Variants in PTPRT observed in about 807,000 individuals in gnomAD.
The protein encoded by PTPRT is protein tyrosine phosphatase receptor type T.
PTPRT carries 56 observed loss-of-function variants against 176.8 expected under a neutral mutation model. That is an observed-to-expected ratio of 0.32 (90% CI 0.26 to 0.40). The LOEUF is 0.40. Among genes scored for constraint, PTPRT ranks in the 10% least tolerant of loss-of-function variants. The pLI is 1.00. For synonymous variants in PTPRT, 783 were observed against 739.0 expected, an observed-to-expected ratio of 1.06 and a Z score of -0.96; for missense variants, 1,540 against 1,908.2, an observed-to-expected ratio of 0.81 and a Z score of 3.60.
intron 1 of PTPRT, among the ~76,000 whole-genome samples, chr20:42,963,278 C>T (rs206675): frequency 0.016 from 2,392 of 151,406 alleles, 65 homozygotes; most frequent in African/African-American, 0.055. Flanking sequence ...TCCAGATACT[C>T]GGGAGACTGA....
At chr20:42,640,282 C>T (rs2074711447) in intron 7 of PTPRT, among the ~76,000 whole-genome samples, 1 of 152,062 alleles carries the variant, frequency 6.6e-6, no homozygotes, top group Non-Finnish European at 1.5e-5. Context: ...TTTGTCTATA[C>T]ATTTTTGCTT....
intron 1 of PTPRT, among the ~76,000 whole-genome samples, chr20:43,034,388 G>C (rs914769765): frequency 6.6e-6 from 1 of 152,148 alleles, no homozygotes; most frequent in Admixed American, 6.5e-5. Context: ...GCTGTTACCT[G>C]CCTGGTATGT....
intron 7 of PTPRT, among the ~76,000 whole-genome samples, chr20:42,566,653 T>C (rs994968221): frequency 1.3e-5 from 2 of 152,166 alleles, no homozygotes; most frequent in African/African-American, 4.8e-5. Context: ...GCACTGAGGA[T>C]GTAAGTCAGG....
At chr20:42,223,026 G>A (rs916714697) in intron 15 of PTPRT, among the ~76,000 whole-genome samples, 36 of 152,188 alleles carry the variant, frequency 2.4e-4, no homozygotes, top group Middle Eastern at 6.8e-3. Context: ...TGATGTGTGG[G>A]GAAAACATCC....
intron 1 of PTPRT, among the ~76,000 whole-genome samples, chr20:43,162,010 C>T (rs1271447311): frequency 3.3e-5 from 5 of 152,212 alleles, no homozygotes; most frequent in Non-Finnish European, 4.4e-5. Flanking sequence ...ATTATTGCAA[C>T]ATTACCATGC....
At chr20:43,001,329 C>A (rs933836763) in intron 1 of PTPRT, among the ~76,000 whole-genome samples, 8 of 152,028 alleles carry the variant, frequency 5.3e-5, no homozygotes, top group African/African-American at 1.9e-4. Flanking sequence ...TGGTGAAACT[C>A]AAAAATAGAA....
At chr20:42,442,853 C>T (rs1282599184) in intron 9 of PTPRT, among the ~76,000 whole-genome samples, 1 of 152,056 alleles carries the variant, frequency 6.6e-6, no homozygotes, top group Non-Finnish European at 1.5e-5. Flanking sequence ...GGATTGCTTC[C>T]CTTGGTGACC....
At chr20:42,864,568 T>A (rs2078714741) in intron 2 of PTPRT, among the ~76,000 whole-genome samples, 1 of 152,242 alleles carries the variant, frequency 6.6e-6, no homozygotes, top group South Asian at 2.1e-4. Flanking sequence ...CCCAATTGCA[T>A]GACCTTCATT....
chr20:42,318,108 T>C (rs1322686424), intron 11 of PTPRT, among the ~76,000 whole-genome samples: 1 of 152,236 alleles, frequency 6.6e-6, no homozygotes, highest in African/African-American at 2.4e-5. Context: ...TGAGAAGGTG[T>C]TAACAATCCA....
intron 1 of PTPRT, among the ~76,000 whole-genome samples, chr20:43,071,497 A>G (rs2146271697): frequency 1.3e-5 from 2 of 152,296 alleles, no homozygotes; most frequent in East Asian, 3.9e-4. Context: ...AAGACAGGAA[A>G]GTTCAGGCCA....
intron 1 of PTPRT, among the ~76,000 whole-genome samples, chr20:42,996,088 A>G (rs1984206780): frequency 6.6e-6 from 1 of 152,146 alleles, no homozygotes; most frequent in South Asian, 2.1e-4. Flanking sequence ...TCTGCATGTC[A>G]TGGTAGAACA....
intron 17 of PTPRT, among the ~76,000 whole-genome samples, chr20:42,150,925 A>AAT (rs1989099184): frequency 6.6e-6 from 1 of 152,158 alleles, no homozygotes; most frequent in Non-Finnish European, 1.5e-5. Flanking sequence ...AAAAATGGAA[A>AAT]ATAACACACC....
chr20:42,348,053 A>G (rs1196646849), intron 11 of PTPRT, among the ~76,000 whole-genome samples: 1 of 152,204 alleles, frequency 6.6e-6, no homozygotes, highest in African/African-American at 2.4e-5. Context: ...TAAGTGTTCA[A>G]TAAATATTTG....
Position 43,189,504 on chromosome 20 carries a change from A to C in PTPRT, c.88+142T>G. The C allele has an allele frequency of 2.3e-6, 1 of 438,348 alleles. No individual in the cohort carries two copies. 27.2% of individuals were successfully genotyped at this position (438,348 alleles called of 1,614,324 possible). A position where few individuals can be genotyped will look rare whatever the true frequency, so the allele number is the denominator to read the frequency against. On this transcript the variant is annotated intron_variant, in intron 1 of 30. Transcript: ENST00000373187. This position sits in a 1 kb window ranked among gnomAD's most constrained non-coding sequence, Gnocchi z 5.0. Reference sequence around the variant, plus strand: ...GGGGACACTGCTTCCCGCGCCTGCAAGCTGAGACCCGGGTTCCGGCCATGG... The same window carrying C: ...GGGGACACTGCTTCCCGCGCCTGCACGCTGAGACCCGGGTTCCGGCCATGG...
intron 14 of PTPRT, among the ~76,000 whole-genome samples, chr20:42,242,493 T>C (rs943316607): frequency 2.0e-5 from 3 of 152,186 alleles, no homozygotes; most frequent in Non-Finnish European, 2.9e-5. Context: ...AGAGGGGATC[T>C]AGATGGTGAA....
chr20:43,016,552 C>CTTTTTTTTTTT (rs11482189), intron 1 of PTPRT, among the ~76,000 whole-genome samples: 12 of 76,236 alleles, frequency 1.6e-4, no homozygotes, highest in African/African-American at 8.4e-4. Flanking sequence ...TCTAAGGCCA[C>CTTTTTTTTTTT]TTTTTTTTTT....
intron 1 of PTPRT, among the ~76,000 whole-genome samples, chr20:43,054,320 G>A (rs995726854): frequency 6.6e-6 from 1 of 152,296 alleles, no homozygotes; most frequent in Non-Finnish European, 1.5e-5. Context: ...TTCGGAGGCT[G>A]AGGTGGGCAG....
chr20:42,256,510 A>AG (rs1257873450), intron 13 of PTPRT, among the ~76,000 whole-genome samples: 1 of 151,880 alleles, frequency 6.6e-6, no homozygotes. Context: ...AATGAAAAAA[A>AG]AAATGTATTT....
chr20:43,160,751 TG>T (rs1254844711), intron 1 of PTPRT, among the ~76,000 whole-genome samples: 1 of 152,086 alleles, frequency 6.6e-6, no homozygotes, highest in Non-Finnish European at 1.5e-5. Flanking sequence ...GCCAGAATAG[TG>T]GTTAACATTG....
Sources: allele counts gnomAD v4.1 joint callset (sites outside exome capture counted in the v4.1 genomes callset), GRCh38; gene constraint gnomAD v4.1.1; non-coding constraint Gnocchi (gnomAD v3.1); transcripts MANE v1.5; gene names NCBI Gene and HGNC (gene_info 2026-07-23, HGNC 2026-07-21).